CEP112: variants seen among roughly 807,000 people sequenced by gnomAD.
CEP112 encodes the protein centrosomal protein 112.
A neutral mutation model predicts 153.0 loss-of-function variants in CEP112; 127 were observed. The ratio of observed to expected loss-of-function variants is 0.83; its 90% CI spans 0.72 to 0.96. The LOEUF (loss-of-function observed/expected upper bound fraction) is 0.96. Among genes scored for constraint, CEP112 ranks in the 40% least tolerant of loss-of-function variants. The pLI is 0.00. For synonymous variants in CEP112, 358 were observed against 374.4 expected (o/e 0.96, Z 0.51); for missense variants, 1,089 against 1,101.2 (o/e 0.99, Z 0.16).
At chr17:65,644,245 T>C in intron 24 of CEP112, 3 of 626,038 alleles carry the variant, frequency 4.8e-6, no homozygotes, top group Non-Finnish European at 8.7e-6. Flanking sequence ...GAACTGTTTC[T>C]TACATCCTTA....
At chr17:65,790,698 C>G (rs936204829) in intron 21 of CEP112, among the ~76,000 whole-genome samples, 3 of 152,188 alleles carry the variant, frequency 2.0e-5, no homozygotes, top group Admixed American at 6.5e-5. Flanking sequence ...TGGCTTTTCA[C>G]AGTGATGCTC....
At chr17:65,725,015 A>G (rs544953715) in intron 23 of CEP112, among the ~76,000 whole-genome samples, 1 of 152,248 alleles carries the variant, frequency 6.6e-6, no homozygotes, top group Admixed American at 6.5e-5. Flanking sequence ...TTCAAGTGAG[A>G]TGATCTCATC....
At chr17:66,004,701 T>G (rs920343937) in intron 17 of CEP112, among the ~76,000 whole-genome samples, 2 of 152,222 alleles carry the variant, frequency 1.3e-5, no homozygotes, top group Admixed American at 6.5e-5. Context: ...CCAATATATT[T>G]TATTAACAAG....
chr17:65,702,158 G>A (rs1489722106), intron 23 of CEP112, among the ~76,000 whole-genome samples: 1 of 152,126 alleles, frequency 6.6e-6, no homozygotes, highest in Non-Finnish European at 1.5e-5. Context: ...TTACAGGCAT[G>A]AGCCACTGCG....
At chr17:65,715,762 A>G (rs2049471066) in intron 23 of CEP112, among the ~76,000 whole-genome samples, 1 of 152,148 alleles carries the variant, frequency 6.6e-6, no homozygotes, top group Non-Finnish European at 1.5e-5. Flanking sequence ...AGAAATTTTA[A>G]GTGTAGTGTA....
chr17:65,694,455 A>G (rs951253155), intron 23 of CEP112, among the ~76,000 whole-genome samples: 2 of 152,234 alleles, frequency 1.3e-5, no homozygotes, highest in African/African-American at 4.8e-5. Context: ...TTCAAATTAC[A>G]TTTGCTTTTC....
At chr17:65,968,893 T>C (rs1206811400) in intron 17 of CEP112, among the ~76,000 whole-genome samples, 1 of 152,174 alleles carries the variant, frequency 6.6e-6, no homozygotes, top group African/African-American at 2.4e-5. Context: ...GCTGAATTTA[T>C]AATAAGTACT....
intron 6 of CEP112, among the ~76,000 whole-genome samples, chr17:66,103,107 C>A (rs1177523365): frequency 6.6e-6 from 1 of 152,040 alleles, no homozygotes; most frequent in East Asian, 1.9e-4. Flanking sequence ...CGCCTGTAAT[C>A]CCAGCTACTC....
rs569711585 is a variant in CEP112, at chr17:66,057,090, T to G, written c.1075-3211A>C. ...ACTAGGACAATGGGAAACACTAGAG[T>G]GATTTAAACATGATTGTGAGGTCAA... On this transcript the variant is annotated intron_variant, in intron 11 of 26. Coordinates refer to ENST00000535342, the MANE Select transcript of CEP112 (RefSeq NM_001199165.4). Among the ~76,000 whole-genome samples, 7 of 151,818 alleles carry G rather than the reference T, an allele frequency of 4.6e-5. No individual in the cohort carries two copies. In the South Asian group the frequency reaches 1.0e-3, roughly 23 times the overall value.
chr17:65,884,181 AGTGTTCAAC>A (rs2059188564), intron 20 of CEP112, among the ~76,000 whole-genome samples: 1 of 152,256 alleles, frequency 6.6e-6, no homozygotes, highest in African/African-American at 2.4e-5. Flanking sequence ...GGTAGACTCC[AGTGTTCAAC>A]GTGAAACAGA....
At chr17:65,826,137 CCTT>C (rs780006304) in intron 21 of CEP112, 15 of 1,613,812 alleles carry the variant, frequency 9.3e-6, no homozygotes, top group Admixed American at 1.7e-5. Context: ...CTTGTTCTTA[CCTT>C]CTTCTCTTTG....
At chr17:65,900,920 G>C (rs2059823979) in intron 20 of CEP112, among the ~76,000 whole-genome samples, 1 of 152,122 alleles carries the variant, frequency 6.6e-6, no homozygotes. Context: ...AAAACAAGTT[G>C]AAAATAATTG....
intron 21 of CEP112, chr17:65,826,333 T>C: frequency 6.2e-7 from 1 of 1,613,264 alleles, no homozygotes; most frequent in South Asian, 1.1e-5. Context: ...TCAGAAGCAG[T>C]GATGAGAGCC....
chr17:66,058,322 T>C (rs11656480), intron 11 of CEP112, among the ~76,000 whole-genome samples: 62,442 of 151,830 alleles, frequency 0.41, 14,308 homozygotes, highest in East Asian at 0.87. Context: ...GTCATTGAAG[T>C]AAATACAAAA....
intron 21 of CEP112, among the ~76,000 whole-genome samples, chr17:65,803,499 A>G (rs2055403579): frequency 6.6e-6 from 1 of 152,260 alleles, no homozygotes; most frequent in Non-Finnish European, 1.5e-5. Flanking sequence ...ATTTATATCA[A>G]AAAGTTTCAA....
chr17:65,681,440 G>A lies in CEP112; in HGVS notation c.2697+7689C>T, dbSNP rs199643402. Among the ~76,000 whole-genome samples, 9 of 151,292 alleles carry A rather than the reference G, an allele frequency of 5.9e-5. No individual in the cohort carries two copies. In the East Asian group the frequency reaches 1.8e-3, roughly 29 times the overall value. On this transcript the variant is annotated intron_variant, in intron 24 of 26. Transcript: ENST00000535342. ...GCTTCTGCTATATCTGCATCAAGAC[G>A]ACTCTGACATGCTTAAAGTCCTAGG... is the stretch of plus-strand genomic sequence containing the variant.
intron 24 of CEP112, among the ~76,000 whole-genome samples, chr17:65,687,193 G>A (rs994369163): frequency 1.7e-5 from 2 of 115,446 alleles, no homozygotes; most frequent in Middle Eastern, 7.8e-3. Flanking sequence ...TTGAGATGGA[G>A]TCTTGCTCTG....
chr17:65,707,084 T>C (rs534694162), intron 23 of CEP112, among the ~76,000 whole-genome samples: 1 of 152,308 alleles, frequency 6.6e-6, no homozygotes, highest in African/African-American at 2.4e-5. Flanking sequence ...ACTGACATTC[T>C]CTGATTATAT....
intron 12 of CEP112, among the ~76,000 whole-genome samples, chr17:66,048,810 T>A (rs1251280518): frequency 2.0e-5 from 3 of 152,130 alleles, no homozygotes; most frequent in Non-Finnish European, 4.4e-5. Context: ...GGTTTCTCCA[T>A]GTTGGCCAGG....
Sources: allele counts gnomAD v4.1 joint callset (sites outside exome capture counted in the v4.1 genomes callset), GRCh38; gene constraint gnomAD v4.1.1; transcripts MANE v1.5; gene names NCBI Gene and HGNC (gene_info 2026-07-23, HGNC 2026-07-21).